WWOX: variants seen among roughly 807,000 people sequenced by gnomAD.
WWOX encodes the protein WW domain-containing oxidoreductase.
Under a neutral mutation model 46.2 loss-of-function variants are expected in WWOX, and 69 were observed. That is an observed-to-expected ratio of 1.49 (90% CI 1.23 to 1.82). The LOEUF is 1.82. Ranked by LOEUF, WWOX falls within the 40% of genes most tolerant of loss-of-function variation. The pLI is 0.00. For synonymous variants in WWOX, 359 were observed against 202.6 expected (o/e 1.77, Z -6.56); for missense variants, 919 against 542.6 (o/e 1.69, Z -6.89).
intron 6 of WWOX, among the ~76,000 whole-genome samples, chr16:78,394,264 T>A (rs62034091): frequency 0.059 from 9,045 of 152,272 alleles, 324 homozygotes; most frequent in Middle Eastern, 0.12. Context: ...CTCTACACAG[T>A]ATGAAAACCC....
intron 8 of WWOX, among the ~76,000 whole-genome samples, chr16:78,698,716 C>A (rs2048150880): frequency 1.3e-5 from 2 of 152,128 alleles, no homozygotes; most frequent in African/African-American, 4.8e-5. Context: ...TGGAATTCCC[C>A]TGTAGTCCCA....
At chr16:78,779,433 G>A (rs2050271552) in intron 8 of WWOX, among the ~76,000 whole-genome samples, 1 of 152,088 alleles carries the variant, frequency 6.6e-6, no homozygotes, top group Admixed American at 6.6e-5. Context: ...ACCGTGTCCG[G>A]CCCCCCTTTC....
chr16:78,752,073 A>T (rs2049496498), intron 8 of WWOX, among the ~76,000 whole-genome samples: 1 of 152,190 alleles, frequency 6.6e-6, no homozygotes, highest in Admixed American at 6.5e-5. Context: ...AAATTCTAAC[A>T]TTGGTAAAAC....
chr16:79,077,264 T>C (rs1178085886), intron 8 of WWOX: 1 of 152,114 alleles, frequency 6.6e-6, no homozygotes, highest in African/African-American at 2.4e-5. Flanking sequence ...GCCAAAGTAA[T>C]AAGATCAAAC....
intron 8 of WWOX, among the ~76,000 whole-genome samples, chr16:78,538,586 G>C (rs1414539157): frequency 6.6e-6 from 1 of 152,160 alleles, no homozygotes; most frequent in Non-Finnish European, 1.5e-5. Flanking sequence ...TCTGTTCTCT[G>C]AGAGAATTGC....
intron 8 of WWOX, among the ~76,000 whole-genome samples, chr16:78,488,380 C>T (rs2084691829): frequency 6.6e-6 from 1 of 151,984 alleles, no homozygotes; most frequent in African/African-American, 2.4e-5. Context: ...AAGGGCACCT[C>T]CTGTAATTGA....
At chr16:78,859,108 A>G (rs762333649) in intron 8 of WWOX, among the ~76,000 whole-genome samples, 3 of 145,078 alleles carry the variant, frequency 2.1e-5, no homozygotes, top group African/African-American at 7.7e-5. Context: ...TTGCACAACT[A>G]TAATCGATGA....
intron 4 of WWOX, among the ~76,000 whole-genome samples, chr16:78,152,479 AAT>A (rs753648172): frequency 2.2e-4 from 34 of 152,114 alleles, no homozygotes; most frequent in Non-Finnish European, 4.6e-4. Flanking sequence ...ACTGCCCCCA[AAT>A]ATGTTAAGCC....
intron 5 of WWOX, among the ~76,000 whole-genome samples, chr16:78,198,806 T>G (rs741593): frequency 0.75 from 114,171 of 152,064 alleles, 43,255 homozygotes; most frequent in African/African-American, 0.87. Context: ...ATATATGCAT[T>G]CACACACATG....
intron 8 of WWOX, among the ~76,000 whole-genome samples, chr16:79,180,229 T>C (rs952673864): frequency 3.3e-5 from 5 of 152,204 alleles, no homozygotes; most frequent in African/African-American, 1.2e-4. Context: ...CAGTAATTTA[T>C]AGGCTGACAT....
At chr16:79,206,887 A>G (rs554009566) in intron 8 of WWOX, 1 of 152,354 alleles carries the variant, frequency 6.6e-6, no homozygotes, top group African/African-American at 2.4e-5. Flanking sequence ...TGTGTCCCCT[A>G]AAAGATTGCT....
At chr16:78,622,228 T>A (rs2046206553) in intron 8 of WWOX, among the ~76,000 whole-genome samples, 1 of 152,094 alleles carries the variant, frequency 6.6e-6, no homozygotes, top group Non-Finnish European at 1.5e-5. Context: ...TTAAATAAAT[T>A]CTGACCCTAC....
intron 5 of WWOX, among the ~76,000 whole-genome samples, chr16:78,354,235 C>T (rs933247267): frequency 2.0e-5 from 3 of 151,796 alleles, no homozygotes; most frequent in African/African-American, 4.8e-5. Context: ...AGCACCCCCC[C>T]ACCCCTGCCA....
chr16:78,849,604 C>T (rs2052391408), intron 8 of WWOX, among the ~76,000 whole-genome samples: 1 of 149,238 alleles, frequency 6.7e-6, no homozygotes, highest in African/African-American at 2.5e-5. Context: ...AAAACAACTA[C>T]AACCACATTT....
At chr16:78,452,547 C>G (rs904853313) in intron 8 of WWOX, among the ~76,000 whole-genome samples, 3 of 143,184 alleles carry the variant, frequency 2.1e-5, no homozygotes, top group African/African-American at 8.0e-5. Flanking sequence ...CGGATCTTGG[C>G]TCATTGCAAC....
intron 8 of WWOX, among the ~76,000 whole-genome samples, chr16:78,887,016 T>G (rs2044472409): frequency 6.6e-6 from 1 of 151,800 alleles, no homozygotes; most frequent in Non-Finnish European, 1.5e-5. Context: ...ATTGTCAGTC[T>G]CAAACCTTTT....
At chr16:78,916,839 C>T (rs186781393) in intron 8 of WWOX, among the ~76,000 whole-genome samples, 1 of 152,160 alleles carries the variant, frequency 6.6e-6, no homozygotes, top group East Asian at 1.9e-4. Flanking sequence ...AGTGTTAAAC[C>T]CTTTCGATAG....
chr16:78,480,601 A>C (rs537997796), intron 8 of WWOX, among the ~76,000 whole-genome samples: 3 of 152,350 alleles, frequency 2.0e-5, no homozygotes, highest in South Asian at 2.1e-4. Flanking sequence ...GTACTTTTCA[A>C]TGTAAGCATA....
At chr16:78,403,192 CCAAA>C (rs905358037) in intron 6 of WWOX, among the ~76,000 whole-genome samples, 7 of 152,166 alleles carry the variant, frequency 4.6e-5, no homozygotes, top group Admixed American at 1.3e-4. Flanking sequence ...AGCACATTCC[CCAAA>C]CAATTTTTTT....
Sources: gnomAD v4.1 joint callset for allele counts (sites outside exome capture counted in the v4.1 genomes callset) on GRCh38, gnomAD v4.1.1 for gene constraint, MANE v1.5 for transcripts, NCBI Gene and HGNC (gene_info 2026-07-23, HGNC 2026-07-21) for gene names.